The following APAF1 variants were observed in gnomAD, a reference collection of about 807,000 sequenced individuals.
APAF1 encodes apoptotic protease-activating factor 1.
APAF1 carries 91 observed loss-of-function variants against 152.4 expected under a neutral mutation model. The observed-to-expected ratio is 0.60, with a 90% CI of 0.50 to 0.71. The LOEUF (loss-of-function observed/expected upper bound fraction) is 0.71. APAF1 is among the 30% of genes least tolerant of loss of function. The probability of loss-of-function intolerance (pLI) is 0.00; values close to 1 mark genes in which losing one functional copy is unlikely to be tolerated. For missense variants in APAF1, 1,283 were observed against 1,472.0 expected (o/e 0.87, Z 2.10); for synonymous variants, 484 against 494.1 (o/e 0.98, Z 0.27).
Position 98,715,263 on chromosome 12 carries a change from T to TG in APAF1, c.2959-164_2959-163insG, listed in dbSNP as rs1378154243. ...ATATATATATATATATATATATATA[T>TG]ATATATATATATATATATGACATTC... is the stretch of plus-strand genomic sequence containing the variant. On this transcript the variant is annotated intron_variant, in intron 21 of 26. Coordinates refer to ENST00000551964, the MANE Select transcript of APAF1 (RefSeq NM_181861.2). 3.0e-5 allele frequency among the ~76,000 whole-genome samples: 4 copies of TG among 132,034 alleles called. No homozygotes were observed. The East Asian group carries it at 7.1e-4, about 23-fold the overall frequency. The allele number at this position is 132,034 out of a possible 152,430, so 86.6% of individuals were successfully genotyped here.
chr12:98,647,923 C>T (rs2097643849), intron 1 of APAF1, among the ~76,000 whole-genome samples: 1 of 152,044 alleles, frequency 6.6e-6, no homozygotes, highest in Non-Finnish European at 1.5e-5. Context: ...TTTACTCTAG[C>T]CTCCCAATGT....
At chr12:98,688,645 T>TTTC in intron 16 of APAF1, among the ~76,000 whole-genome samples, 1 of 150,376 alleles carries the variant, frequency 6.6e-6, no homozygotes, top group African/African-American at 2.4e-5. Flanking sequence ...GAAATTTTTT[T>TTTC]TTTTTTTTTT....
At chr12:98,661,863 G>C (rs1022984985) in intron 5 of APAF1, among the ~76,000 whole-genome samples, 4 of 151,698 alleles carry the variant, frequency 2.6e-5, no homozygotes, top group African/African-American at 7.3e-5. Flanking sequence ...ATCTGTTCTA[G>C]TGAGTTTAGA....
chr12:98,666,931 C>A (rs1195675957), intron 9 of APAF1, among the ~76,000 whole-genome samples: 1 of 151,936 alleles, frequency 6.6e-6, no homozygotes, highest in Non-Finnish European at 1.5e-5. Context: ...AGTGATCCAC[C>A]TGTCTTGGCC....
intron 20 of APAF1, among the ~76,000 whole-genome samples, chr12:98,708,941 AT>A (rs1190686425): frequency 6.6e-6 from 1 of 152,200 alleles, no homozygotes; most frequent in African/African-American, 2.4e-5. Flanking sequence ...CTATGATCAC[AT>A]TCTTTGATTT....
rs776387511 is a variant in APAF1 at position 98,725,496 on chromosome 12, G to T, written c.3412G>T (p.Asp1138Tyr). 2.5e-6 allele frequency: 4 copies of T among 1,614,164 alleles called. No individual in the cohort carries two copies. The highest frequency in any genetic ancestry group is 3.4e-6 in the Non-Finnish European group (4 of 1,180,030). The change falls in exon 25 of 27, where the codon GAC becomes TAC. Residue 1138 changes from aspartate (D) to tyrosine (Y), a missense_variant. Coordinates refer to ENST00000551964, the MANE Select transcript of APAF1 (RefSeq NM_181861.2). Reference sequence around the variant, plus strand: ...TGTGCGCTGCTCTGCCTTCTCTGTGGACAGTACCCTGCTGGCAACGGGAGA... The same window carrying T: ...TGTGCGCTGCTCTGCCTTCTCTGTGTACAGTACCCTGCTGGCAACGGGAGA... ...GCVRCSAFSVDSTLLATGDDN... is the reference protein window; with the variant it reads ...GCVRCSAFSVYSTLLATGDDN...
chr12:98,688,116 A>G (rs1299862803), intron 16 of APAF1, among the ~76,000 whole-genome samples: 1 of 152,188 alleles, frequency 6.6e-6, no homozygotes, highest in African/African-American at 2.4e-5. Flanking sequence ...GAAAAATGCA[A>G]GAGTTAGGGA....
chr12:98,646,171 A>G (rs2097640045), intron 1 of APAF1, among the ~76,000 whole-genome samples: 1 of 152,280 alleles, frequency 6.6e-6, no homozygotes, highest in Non-Finnish European at 1.5e-5. Flanking sequence ...ATTGGAAATT[A>G]GTTTCAGAAA....
intron 16 of APAF1, among the ~76,000 whole-genome samples, chr12:98,696,064 A>C (rs557768062): frequency 3.3e-5 from 5 of 152,046 alleles, no homozygotes; most frequent in African/African-American, 4.8e-5. Flanking sequence ...AAAAATTCCT[A>C]TTACTATTGT....
At chr12:98,693,497 A>G (rs144595680) in intron 16 of APAF1, among the ~76,000 whole-genome samples, 1 of 152,110 alleles carries the variant, frequency 6.6e-6, no homozygotes, top group African/African-American at 2.4e-5. Context: ...TTCCTCTCTC[A>G]TTAGCTTTCT....
In APAF1 at chr12:98,725,384, G is replaced by A. The variant is rs1484886735; in HGVS notation, c.3331-31G>A. ...CAGATGCTTATTTTGAGTGTTTATA[G>A]CATTGCTAAACAATCCTAATTGCCT... is the stretch of plus-strand genomic sequence containing the variant. On this transcript the variant is annotated intron_variant, in intron 24 of 26. Transcript: ENST00000551964. 3 of 1,613,476 alleles carry A rather than the reference G, an allele frequency of 1.9e-6. No individual in the cohort carries two copies. The African/African-American group carries it at 4.0e-5, about 22-fold the overall frequency.
At chr12:98,667,978 G>A (rs772740859) in intron 10 of APAF1, among the ~76,000 whole-genome samples, 3 of 151,784 alleles carry the variant, frequency 2.0e-5, no homozygotes, top group African/African-American at 4.8e-5. Context: ...TCACTATGTT[G>A]CTCAGGCTGG....
At position 98,665,650 on chromosome 12, in the gene APAF1, G is replaced by A. The variant is rs548079850; in HGVS notation, c.1053G>A (p.Lys351=). The change falls in exon 8 of 27, where the codon AAG becomes AAA. Residue 351 remains lysine (K), a synonymous_variant. Coordinates refer to ENST00000551964, the MANE Select transcript of APAF1 (RefSeq NM_181861.2). Reference sequence around the variant, plus strand: ...AACAGCTTCAGAATAAGCAGTTTAAGAGAATAAGGAAATCTTCGTCTTATG... The same window carrying A: ...AACAGCTTCAGAATAAGCAGTTTAAAAGAATAAGGAAATCTTCGTCTTATG... The part of the protein sequence containing the change: ...YLKQLQNKQF[K]RIRKSSSYDY... 86 of 1,613,896 alleles carry A rather than the reference G, an allele frequency of 5.3e-5. No homozygotes were observed. The South Asian group carries it at 8.9e-4, about 17-fold the overall frequency.
In APAF1 at chr12:98,715,507, C is replaced by T. The variant is rs757237121; in HGVS notation, c.3039C>T (p.Ala1013=). 38 of 1,613,324 alleles carry T rather than the reference C, an allele frequency of 2.4e-5. No individual in the cohort carries two copies. The highest frequency in any genetic ancestry group is 5.4e-5 in the African/African-American group (4 of 74,754). The change falls in exon 22 of 27, where the codon GCC becomes GCT. Residue 1013 remains alanine (A), a synonymous_variant. Transcript: ENST00000551964. Reference sequence around the variant, plus strand: ...CTGTATGGCACATCCAGTTCACAGCCGATGAGAAGACTCTTATTTCAAGTT... The same window carrying T: ...CTGTATGGCACATCCAGTTCACAGCTGATGAGAAGACTCTTATTTCAAGTT... ...KKTVWHIQFT[A]DEKTLISSSD... is the part of the protein sequence containing the mutation.
intron 16 of APAF1, among the ~76,000 whole-genome samples, chr12:98,688,443 G>C (rs1249063681): frequency 1.3e-5 from 2 of 150,168 alleles, no homozygotes; most frequent in African/African-American, 2.4e-5. Context: ...AGAGATACTA[G>C]AATAACCTTC....
intron 4 of APAF1, among the ~76,000 whole-genome samples, chr12:98,654,812 TTTTC>T (rs1164662170): frequency 2.0e-4 from 24 of 119,898 alleles, no homozygotes; most frequent in African/African-American, 7.3e-4. Context: ...TAAAGTAGTA[TTTTC>T]TTTTTTTTTT....
chr12:98,720,366 G>A (rs979569441), intron 22 of APAF1, among the ~76,000 whole-genome samples: 2 of 151,952 alleles, frequency 1.3e-5, no homozygotes, highest in African/African-American at 4.8e-5. Context: ...AGATATTTTC[G>A]AGAAATGACT....
At chr12:98,706,794 A>C (rs968558070) in intron 19 of APAF1, among the ~76,000 whole-genome samples, 184 bp downstream of exon 19, 2 of 152,206 alleles carry the variant, frequency 1.3e-5, no homozygotes, top group African/African-American at 4.8e-5. Flanking sequence ...TTACATGTTC[A>C]TTGAGGATTA....
At chr12:98,653,180 A>G (rs1419011826) in intron 4 of APAF1, among the ~76,000 whole-genome samples, 1 of 152,100 alleles carries the variant, frequency 6.6e-6, no homozygotes, top group African/African-American at 2.4e-5. Flanking sequence ...ATAAATTTTA[A>G]TCTCTGGAGT....
Sources: gnomAD v4.1 joint callset for allele counts (sites outside exome capture counted in the v4.1 genomes callset) on GRCh38, gnomAD v4.1.1 for gene constraint, MANE v1.5 for transcripts, NCBI Gene and HGNC (gene_info 2026-07-23, HGNC 2026-07-21) for gene names.